ARHGAP15: variants seen among roughly 807,000 people sequenced by gnomAD.
The protein encoded by ARHGAP15 is rho GTPase-activating protein 15.
Under a neutral mutation model 63.7 loss-of-function variants are expected in ARHGAP15, and 51 were observed. The ratio of observed to expected loss-of-function variants is 0.80; its 90% CI spans 0.64 to 1.01. The LOEUF (loss-of-function observed/expected upper bound fraction) is 1.01. Among genes scored for constraint, ARHGAP15 ranks in the 50% least tolerant of loss-of-function variants. The probability of loss-of-function intolerance (pLI) is 0.00; values close to 1 mark genes in which losing one functional copy is unlikely to be tolerated. For synonymous variants in ARHGAP15, 191 were observed against 193.8 expected (o/e 0.99, Z 0.12); for missense variants, 560 against 564.6 (o/e 0.99, Z 0.08).
intron 6 of ARHGAP15, among the ~76,000 whole-genome samples, chr2:143,374,258 G>A (rs879816192): frequency 1.3e-5 from 2 of 152,068 alleles, no homozygotes; most frequent in Non-Finnish European, 2.9e-5. Flanking sequence ...AATATTATAG[G>A]TGGATTATGG....
chr2:143,215,264 A>T (rs1692709273), intron 3 of ARHGAP15, among the ~76,000 whole-genome samples: 1 of 149,256 alleles, frequency 6.7e-6, no homozygotes, highest in Non-Finnish European at 1.5e-5. Context: ...GTGCACATTA[A>T]AATTTGGTTT....
At chr2:143,386,684 T>C (rs1482117406) in intron 6 of ARHGAP15, among the ~76,000 whole-genome samples, 1 of 152,176 alleles carries the variant, frequency 6.6e-6, no homozygotes, top group Non-Finnish European at 1.5e-5. Context: ...GCTTATAATA[T>C]TGTATAAAGG....
chr2:143,471,468 A>G (rs1372362664), intron 8 of ARHGAP15, among the ~76,000 whole-genome samples: 1 of 152,060 alleles, frequency 6.6e-6, no homozygotes, highest in East Asian at 1.9e-4. Flanking sequence ...AGATATTATT[A>G]AAAGAAGTAA....
intron 6 of ARHGAP15, among the ~76,000 whole-genome samples, chr2:143,306,372 G>A (rs973679348): frequency 5.9e-5 from 9 of 152,038 alleles, no homozygotes; most frequent in African/African-American, 2.2e-4. Flanking sequence ...CATAAGACTT[G>A]GAATTGGCTA....
intron 12 of ARHGAP15, among the ~76,000 whole-genome samples, chr2:143,656,892 AT>A (rs1225739537): frequency 4.7e-5 from 7 of 148,928 alleles, no homozygotes; most frequent in African/African-American, 1.5e-4. Flanking sequence ...TCTGACTTCT[AT>A]TTTGGACAGA....
chr2:143,423,381 C>A (rs779906922), intron 6 of ARHGAP15, among the ~76,000 whole-genome samples: 26 of 151,966 alleles, frequency 1.7e-4, no homozygotes, highest in Non-Finnish European at 3.4e-4. Flanking sequence ...ATGTGGATAC[C>A]AAAACCCTTT....
chr2:143,504,024 C>T (rs1470667170), intron 9 of ARHGAP15, among the ~76,000 whole-genome samples: 1 of 152,084 alleles, frequency 6.6e-6, no homozygotes, highest in African/African-American at 2.4e-5. Flanking sequence ...AAGATTAATG[C>T]TTTTATCATT....
At chr2:143,527,472 T>G (rs945319740) in intron 10 of ARHGAP15, among the ~76,000 whole-genome samples, 1 of 134,274 alleles carries the variant, frequency 7.4e-6, no homozygotes, top group Non-Finnish European at 1.7e-5. Flanking sequence ...TTCCTATTTT[T>G]GGTTCAGAAA....
At chr2:143,351,458 A>T (rs1445846816) in intron 6 of ARHGAP15, 5 of 152,248 alleles carry the variant, frequency 3.3e-5, no homozygotes, top group Non-Finnish European at 5.9e-5. Context: ...ATTTCTGGAT[A>T]TAACACTATA....
intron 8 of ARHGAP15, among the ~76,000 whole-genome samples, chr2:143,462,443 C>T (rs1431588443): frequency 6.6e-6 from 1 of 152,090 alleles, no homozygotes; most frequent in Non-Finnish European, 1.5e-5. Context: ...AAAAAAAAGG[C>T]ACAAAGTTTT....
chr2:143,392,203 A>G (rs1471856294), intron 6 of ARHGAP15, among the ~76,000 whole-genome samples: 2 of 152,156 alleles, frequency 1.3e-5, no homozygotes, highest in African/African-American at 4.8e-5. Flanking sequence ...AATACTTACT[A>G]CTTTTATTCT....
At chr2:143,489,985 T>C (rs1692507851) in intron 9 of ARHGAP15, among the ~76,000 whole-genome samples, 1 of 152,040 alleles carries the variant, frequency 6.6e-6, no homozygotes, top group African/African-American at 2.4e-5. Context: ...TCAGTTTTCT[T>C]TTTCTTTTTG....
intron 10 of ARHGAP15, among the ~76,000 whole-genome samples, chr2:143,542,498 C>G (rs1022692370): frequency 6.6e-6 from 1 of 151,662 alleles, no homozygotes; most frequent in African/African-American, 2.4e-5. Context: ...TGGAGCTGTT[C>G]CTATTCGGCC....
intron 6 of ARHGAP15, among the ~76,000 whole-genome samples, chr2:143,413,145 C>T (rs532888736): frequency 6.6e-6 from 1 of 152,258 alleles, no homozygotes; most frequent in Non-Finnish European, 1.5e-5. Context: ...TAAGACATTA[C>T]ATATTAAAAA....
intron 10 of ARHGAP15, among the ~76,000 whole-genome samples, chr2:143,528,235 C>A (rs532782220): frequency 1.8e-4 from 27 of 152,136 alleles, no homozygotes; most frequent in African/African-American, 6.3e-4. Context: ...AATTGACATG[C>A]CTGAGAATGG....
intron 6 of ARHGAP15, among the ~76,000 whole-genome samples, chr2:143,289,894 A>G (rs983364700): frequency 3.3e-5 from 5 of 152,200 alleles, no homozygotes; most frequent in African/African-American, 7.2e-5. Flanking sequence ...AAACCTAACA[A>G]CTAGACAATC....
chr2:143,698,279 C>CT (rs1384631734), intron 12 of ARHGAP15, among the ~76,000 whole-genome samples: 2 of 152,128 alleles, frequency 1.3e-5, no homozygotes, highest in Non-Finnish European at 2.9e-5. Context: ...CTGTACAGAA[C>CT]TTTTTCCATC....
chr2:143,614,845 G>T (rs1698395051), intron 11 of ARHGAP15, among the ~76,000 whole-genome samples: 1 of 152,176 alleles, frequency 6.6e-6, no homozygotes, highest in Admixed American at 6.5e-5. Flanking sequence ...GAAGAGTCAA[G>T]ATTAACAGCA....
intron 6 of ARHGAP15, among the ~76,000 whole-genome samples, chr2:143,338,550 T>C (rs1207103383): frequency 6.6e-6 from 1 of 152,134 alleles, no homozygotes; most frequent in Non-Finnish European, 1.5e-5. Flanking sequence ...CGATGGGAAG[T>C]AGGAGATGAA....
Sources: allele counts gnomAD v4.1 joint callset (sites outside exome capture counted in the v4.1 genomes callset), GRCh38; gene constraint gnomAD v4.1.1; transcripts MANE v1.5; gene names NCBI Gene and HGNC (gene_info 2026-07-23, HGNC 2026-07-21).